Variants in NRXN1 observed in about 807,000 individuals in gnomAD.
NRXN1 encodes the protein neurexin-1.
In NRXN1, 39 loss-of-function variants were observed where a neutral mutation model predicts 150.9. The ratio of observed to expected loss-of-function variants is 0.26; its 90% CI spans 0.20 to 0.34. The LOEUF is 0.34. Ranked by LOEUF, NRXN1 falls within the 10% of genes least tolerant of loss-of-function variation. NRXN1 has a pLI of 1.00. For missense variants in NRXN1, 1,815 were observed against 1,949.9 expected (o/e 0.93, Z 1.30); for synonymous variants, 924 against 757.0 (o/e 1.22, Z -3.62).
At chr2:50,623,654 T>C (rs1036292914) in intron 5 of NRXN1, 39 bp from the exon 6 acceptor site, 7 of 1,452,380 alleles carry the variant, frequency 4.8e-6, no homozygotes, top group Non-Finnish European at 5.7e-6. Context: ...AGTAAACAAA[T>C]ACACTATGCA....
At chr2:50,700,012 T>C (rs1559140993) in intron 5 of NRXN1, among the ~76,000 whole-genome samples, 1 of 152,174 alleles carries the variant, frequency 6.6e-6, no homozygotes, top group Non-Finnish European at 1.5e-5. Context: ...ACAGTAGGTA[T>C]GTTTGCATAA....
chr2:50,317,772 A>T (rs1176337451), intron 17 of NRXN1, among the ~76,000 whole-genome samples: 1 of 152,068 alleles, frequency 6.6e-6, no homozygotes, highest in East Asian at 1.9e-4. Context: ...TTCATACAAC[A>T]AAAGTCAAAG....
chr2:50,415,545 A>G (rs1265316612), intron 17 of NRXN1, among the ~76,000 whole-genome samples: 1 of 152,174 alleles, frequency 6.6e-6, no homozygotes, highest in Non-Finnish European at 1.5e-5. Context: ...AGCATGGATA[A>G]TGATTTGAAT....
chr2:50,972,261 G>C (rs1695123146), intron 2 of NRXN1, among the ~76,000 whole-genome samples: 2 of 151,914 alleles, frequency 1.3e-5, no homozygotes, highest in Non-Finnish European at 2.9e-5. Flanking sequence ...ATAATAAAGA[G>C]GCCATGAAAT....
intron 17 of NRXN1, among the ~76,000 whole-genome samples, chr2:50,307,144 C>T (rs1397832056): frequency 4.6e-5 from 7 of 152,012 alleles, no homozygotes; most frequent in South Asian, 2.1e-4. Flanking sequence ...ACCACCACGC[C>T]CAGCTAATTT....
At chr2:50,624,210 G>A (rs890256855) in intron 5 of NRXN1, among the ~76,000 whole-genome samples, 1 of 152,140 alleles carries the variant, frequency 6.6e-6, no homozygotes, top group Admixed American at 6.6e-5. Context: ...ATACTAGGTG[G>A]CAGTATGTTT....
intron 21 of NRXN1, among the ~76,000 whole-genome samples, chr2:49,991,654 T>C (rs1681983302): frequency 6.6e-6 from 1 of 152,226 alleles, no homozygotes; most frequent in African/African-American, 2.4e-5. Context: ...ATTGTCAAAA[T>C]GTCAGTTCTT....
intron 12 of NRXN1, among the ~76,000 whole-genome samples, chr2:50,525,172 T>G (rs2092913885): frequency 1.3e-5 from 2 of 152,214 alleles, no homozygotes; most frequent in Admixed American, 6.5e-5. Context: ...ACAGTCATCT[T>G]CTCATGCAAA....
At chr2:50,528,431 C>G (rs1044981727) in intron 12 of NRXN1, among the ~76,000 whole-genome samples, 194 bp downstream of exon 12, 1 of 152,044 alleles carries the variant, frequency 6.6e-6, no homozygotes, top group Non-Finnish European at 1.5e-5. Context: ...GAGGTAGGAA[C>G]TGCAGTGGGA....
chr2:50,592,637 G>A (rs1439925855), intron 8 of NRXN1, among the ~76,000 whole-genome samples: 2 of 152,202 alleles, frequency 1.3e-5, no homozygotes, highest in Non-Finnish European at 2.9e-5. Context: ...TCCTTACACA[G>A]GGTAATGAAG....
intron 17 of NRXN1, among the ~76,000 whole-genome samples, chr2:50,319,530 T>G (rs1363311988): frequency 6.6e-6 from 1 of 152,144 alleles, no homozygotes; most frequent in African/African-American, 2.4e-5. Context: ...GTTACTCACT[T>G]TTTTCCTTTC....
chr2:50,000,816 C>T (rs1336110881), intron 21 of NRXN1, among the ~76,000 whole-genome samples: 3 of 152,098 alleles, frequency 2.0e-5, no homozygotes, highest in African/African-American at 7.2e-5. Context: ...GAGCATAAAA[C>T]TGGTGAGCAA....
At chr2:50,281,545 C>A (rs1441864242) in intron 17 of NRXN1, among the ~76,000 whole-genome samples, 1 of 151,252 alleles carries the variant, frequency 6.6e-6, no homozygotes, top group African/African-American at 2.4e-5. Flanking sequence ...TAGAAAATAT[C>A]TGGTGACTTG....
chr2:50,857,558 C>T (rs917844087), intron 5 of NRXN1, among the ~76,000 whole-genome samples: 5 of 151,926 alleles, frequency 3.3e-5, no homozygotes, highest in East Asian at 1.9e-4. Context: ...TCTAGGTTTT[C>T]GAAGTATATA....
chr2:50,347,448 C>G lies in NRXN1; in HGVS notation c.3365-110478G>C. 2 of 1,138,668 alleles carry G rather than the reference C, an allele frequency of 1.8e-6. No homozygotes were observed. Among genetic ancestry groups the G allele is most frequent in the Non-Finnish European group, 2.2e-6 (2 of 916,140 alleles). The allele number at this position is 1,138,668 out of a possible 1,614,324, so 70.5% of individuals were successfully genotyped here. ...AGGGAGGCCACTTCGCCGGCCCAAC[C>G]TCCTTTCAAGACAGAAGCAGACCCC... On this transcript the variant is annotated intron_variant, in intron 17 of 22. Coordinates refer to ENST00000401669, the MANE Select transcript of NRXN1 (RefSeq NM_001330078.2). This position sits in a 1 kb window ranked among gnomAD's most constrained non-coding sequence, Gnocchi z 4.9.
intron 15 of NRXN1, among the ~76,000 whole-genome samples, chr2:50,481,577 A>G (rs1226565061): frequency 3.9e-5 from 6 of 152,116 alleles, no homozygotes; most frequent in African/African-American, 1.4e-4. Context: ...AGACACTTGT[A>G]TGTATCCATG....
At chr2:50,221,375 G>A (rs2063874343) in intron 18 of NRXN1, among the ~76,000 whole-genome samples, 1 of 151,962 alleles carries the variant, frequency 6.6e-6, no homozygotes, top group Non-Finnish European at 1.5e-5. Flanking sequence ...TATTAAACCT[G>A]TTAGTGAATA....
intron 18 of NRXN1, among the ~76,000 whole-genome samples, chr2:50,138,615 T>TTA (rs1440625675): frequency 6.6e-6 from 1 of 152,238 alleles, no homozygotes; most frequent in Non-Finnish European, 1.5e-5. Flanking sequence ...CAAAACTCCA[T>TTA]TATTTCATTC....
chr2:50,544,680 A>C (rs2093458174), intron 9 of NRXN1, among the ~76,000 whole-genome samples: 1 of 152,178 alleles, frequency 6.6e-6, no homozygotes, highest in Non-Finnish European at 1.5e-5. Flanking sequence ...GCAGTTAGTA[A>C]ACTAACCTGT....
Sources: allele counts gnomAD v4.1 joint callset (sites outside exome capture counted in the v4.1 genomes callset), GRCh38; gene constraint gnomAD v4.1.1; non-coding constraint Gnocchi (gnomAD v3.1); transcripts MANE v1.5; gene names NCBI Gene and HGNC (gene_info 2026-07-23, HGNC 2026-07-21).